Variants in POLA1 observed in about 807,000 individuals in gnomAD.
POLA1 encodes DNA polymerase alpha 1, catalytic subunit, also known as DNA polymerase alpha catalytic subunit.
POLA1 carries 15 observed loss-of-function variants against 124.0 expected under a neutral mutation model. The observed-to-expected ratio is 0.12, with a 90% CI of 0.08 to 0.19. The LOEUF (loss-of-function observed/expected upper bound fraction) is 0.19. Ranked by LOEUF, POLA1 falls within the 10% of genes least tolerant of loss-of-function variation. POLA1 has a pLI of 1.00. For synonymous variants in POLA1, 408 were observed against 389.4 expected (o/e 1.05, Z -0.56); for missense variants, 886 against 1,103.4 (o/e 0.80, Z 2.79).
intron 34 of POLA1, among the ~76,000 whole-genome samples, chrX:24,870,369 A>T (rs755317562): frequency 8.9e-6 from 1 of 112,141 alleles, no homozygotes; most frequent in African/African-American, 3.2e-5. Flanking sequence ...CTCATCCCCA[A>T]GGAATTCAAA....
chrX:24,774,603 G>A (rs1168825751), intron 26 of POLA1, among the ~76,000 whole-genome samples: 1 of 111,340 alleles, frequency 9.0e-6, no homozygotes, highest in Non-Finnish European at 1.9e-5. Flanking sequence ...GAGCAGTTGA[G>A]CCCACACTGT....
intron 13 of POLA1, among the ~76,000 whole-genome samples, 157 bp from the exon 14 acceptor site, chrX:24,726,771 ATTGTT>A (rs1286558466): frequency 7.1e-5 from 8 of 111,919 alleles, no homozygotes. Context: ...CCTACTGTGA[ATTGTT>A]TTGGATTTCA....
chrX:24,699,618 T>C, intron 2 of POLA1, 69 bp downstream of exon 2: 1 of 879,636 alleles, frequency 1.1e-6, no homozygotes, highest in Non-Finnish European at 1.5e-6. Flanking sequence ...GGTAGTCTTA[T>C]GTCACCTTTG....
intron 24 of POLA1, among the ~76,000 whole-genome samples, chrX:24,747,827 C>T (rs1265919587): frequency 1.9e-5 from 2 of 107,608 alleles, no homozygotes; most frequent in African/African-American, 3.4e-5. Flanking sequence ...CTCCGCCTCC[C>T]GGGTTCACGC....
intron 26 of POLA1, among the ~76,000 whole-genome samples, chrX:24,794,751 T>A (rs1407245099): frequency 3.6e-5 from 4 of 112,106 alleles, no homozygotes; most frequent in Non-Finnish European, 7.5e-5. Flanking sequence ...GACAGACTTT[T>A]TTCCTCTTCA....
chrX:24,740,732 T>C (rs1244574093), intron 20 of POLA1, among the ~76,000 whole-genome samples: 4 of 111,292 alleles, frequency 3.6e-5, no homozygotes, highest in African/African-American at 6.5e-5. Flanking sequence ...GACTTTTGAA[T>C]GTGCTATCCT....
At chrX:24,958,486 G>C (rs2048132595) in intron 36 of POLA1, among the ~76,000 whole-genome samples, 2 of 112,261 alleles carry the variant, frequency 1.8e-5, no homozygotes, top group Non-Finnish European at 1.9e-5. Context: ...CAAAAGTGCA[G>C]ATCACAATGT....
intron 26 of POLA1, among the ~76,000 whole-genome samples, chrX:24,804,531 C>T (rs1437693541): frequency 8.9e-6 from 1 of 111,819 alleles, no homozygotes; most frequent in African/African-American, 3.2e-5. Context: ...TTTCAGTTGT[C>T]ATTCTCTTTT....
At chrX:24,960,138 C>T (rs1010171565) in intron 36 of POLA1, among the ~76,000 whole-genome samples, 12 of 111,639 alleles carry the variant, frequency 1.1e-4, no homozygotes, top group Non-Finnish European at 2.1e-4. Context: ...CAGCTTCCAA[C>T]TCCTGATCTA....
At chrX:24,899,777 A>C (rs1039752305) in intron 35 of POLA1, among the ~76,000 whole-genome samples, 2 of 111,690 alleles carry the variant, frequency 1.8e-5, no homozygotes, top group Non-Finnish European at 3.8e-5. Flanking sequence ...CTTTGAGCCC[A>C]GAATCTTAGT....
chrX:24,951,144 C>T (rs942926968), intron 36 of POLA1, among the ~76,000 whole-genome samples: 35 of 109,375 alleles, frequency 3.2e-4, no homozygotes, highest in Non-Finnish European at 1.9e-4. Context: ...ATTAATTAAA[C>T]CCTTCATCTT....
In POLA1 at chrX:24,704,494, T is replaced by A. The variant is rs770575910; in HGVS notation, c.346+25T>A. The A allele has an allele frequency of 1.9e-6, 2 of 1,037,372 alleles. 1 individual carries two copies. Among genetic ancestry groups the A allele is most frequent in the South Asian group, 3.9e-5 (2 of 51,761 alleles). 85.5% of individuals were successfully genotyped at this position (1,037,372 alleles called of 1,213,427 possible). On this transcript the variant is annotated intron_variant, in intron 4 of 36. Coordinates refer to ENST00000379068, the MANE Select transcript of POLA1 (RefSeq NM_001330360.2). ...GGTACCTACCTTTTGTTTTCCAGGG[T>A]GTTGTTTTGAGATTTAAAGAATTCT...
intron 36 of POLA1, among the ~76,000 whole-genome samples, chrX:24,961,588 C>T (rs977197752): frequency 9.0e-6 from 1 of 111,023 alleles, no homozygotes; most frequent in African/African-American, 3.3e-5. Context: ...GGAGAAAAGA[C>T]CTCCTTTCTA....
chrX:24,930,854 CT>C (rs1569366674), intron 36 of POLA1, among the ~76,000 whole-genome samples: 3 of 112,494 alleles, frequency 2.7e-5, no homozygotes, highest in Non-Finnish European at 3.8e-5. Flanking sequence ...AGTTTAGTAA[CT>C]GTAATAAAGT....
intron 26 of POLA1, among the ~76,000 whole-genome samples, chrX:24,795,843 C>A (rs1025276431): frequency 9.1e-6 from 1 of 110,011 alleles, no homozygotes; most frequent in African/African-American, 3.3e-5. Flanking sequence ...CCATCCACCC[C>A]ACAGCTGTCT....
At position 24,996,276 on chromosome X, in the gene POLA1, G is replaced by A; in HGVS notation, c.*326G>A. 5.6e-6 allele frequency: 1 copy of A among 178,928 alleles called. No homozygotes were observed. Among genetic ancestry groups the A allele is most frequent in the Non-Finnish European group, 1.0e-5 (1 of 96,832 alleles). The allele number at this position is 178,928 out of a possible 1,213,427, so 14.7% of individuals were successfully genotyped here. A position where few individuals can be genotyped will look rare whatever the true frequency, so the allele number is the denominator to read the frequency against. On this transcript the variant is annotated 3_prime_UTR_variant, in exon 37 of 37. Transcript: ENST00000379068. ...TACTTGGATTGAGAGTAGCTGGAAT[G>A]TAAGTGACCCCAGGCTTTGCCTCAG...
intron 10 of POLA1, 135 bp from the exon 11 acceptor site, chrX:24,723,019 TG>T (rs1930298029): frequency 2.1e-6 from 1 of 482,634 alleles, no homozygotes; most frequent in African/African-American, 2.4e-5. Flanking sequence ...GAGTGGGAAA[TG>T]GATATATTTG....
At chrX:24,753,383 C>T (rs925746819) in intron 26 of POLA1, among the ~76,000 whole-genome samples, 3 of 107,119 alleles carry the variant, frequency 2.8e-5, no homozygotes, top group Non-Finnish European at 5.7e-5. Flanking sequence ...AACAGGGTCT[C>T]ACTTTCTTGC....
intron 32 of POLA1, among the ~76,000 whole-genome samples, chrX:24,828,003 G>A (rs905078470): frequency 9.8e-5 from 11 of 111,759 alleles, no homozygotes; most frequent in Non-Finnish European, 1.9e-4. Context: ...TACCCCCATC[G>A]TCACTACCCC....
Sources: allele counts gnomAD v4.1 joint callset (sites outside exome capture counted in the v4.1 genomes callset), GRCh38; gene constraint gnomAD v4.1.1; transcripts MANE v1.5; gene names NCBI Gene and HGNC (gene_info 2026-07-23, HGNC 2026-07-21).